The following GPR89A variants were observed in gnomAD, a reference collection of about 807,000 sequenced individuals.
GPR89A encodes G protein-coupled receptor 89A.
GPR89A carries 16 observed loss-of-function variants against 52.0 expected under a neutral mutation model. That is an observed-to-expected ratio of 0.31 (90% CI 0.21 to 0.47). The LOEUF is 0.47. Ranked by LOEUF, GPR89A falls within the 20% of genes least tolerant of loss-of-function variation. The pLI is 1.00. For synonymous variants in GPR89A, 55 were observed against 150.9 expected (o/e 0.36, Z 4.66); for missense variants, 135 against 449.4 (o/e 0.30, Z 6.33).
intron 5 of GPR89A, among the ~76,000 whole-genome samples, chr1:145,629,479 A>C (rs587704104): frequency 6.6e-6 from 1 of 152,304 alleles, no homozygotes; most frequent in South Asian, 2.1e-4. Flanking sequence ...AAGACAATGG[A>C]GAGAGATGGC....
intron 10 of GPR89A, among the ~76,000 whole-genome samples, chr1:145,655,245 T>C (rs2624723): frequency 2.0e-5 from 3 of 152,310 alleles, no homozygotes; most frequent in East Asian, 3.9e-4. Context: ...GAACATTACT[T>C]CTTTTGCTCA....
At chr1:145,659,126 A>G (rs1268925863) in intron 10 of GPR89A, among the ~76,000 whole-genome samples, 27 of 152,130 alleles carry the variant, frequency 1.8e-4, no homozygotes, top group African/African-American at 6.3e-4. Flanking sequence ...TCTTATGTGT[A>G]TATCTAGGGG....
At chr1:145,645,526 T>G in intron 8 of GPR89A, 1 of 452,616 alleles carries the variant, frequency 2.2e-6, no homozygotes, top group Non-Finnish European at 4.4e-6. Context: ...TCTACCTGAT[T>G]GAGTTCTTGG....
chr1:145,612,982 TTTC>T (rs587756719), intron 1 of GPR89A, among the ~76,000 whole-genome samples: 127 of 152,110 alleles, frequency 8.3e-4, no homozygotes, highest in African/African-American at 3.0e-3. Flanking sequence ...CCTCTAGTGT[TTTC>T]TTCTTGGCAC....
At chr1:145,655,615 G>A (rs1379980111) in intron 10 of GPR89A, among the ~76,000 whole-genome samples, 2 of 152,156 alleles carry the variant, frequency 1.3e-5, no homozygotes, top group African/African-American at 2.4e-5. Flanking sequence ...GGTCCCTCTC[G>A]CACCTGGAGG....
intron 11 of GPR89A, among the ~76,000 whole-genome samples, chr1:145,665,188 T>G (rs2784404): frequency 3.3e-5 from 5 of 151,924 alleles, no homozygotes; most frequent in East Asian, 1.9e-4. Context: ...TTTTATCACT[T>G]CTTGGTACTT....
intron 10 of GPR89A, among the ~76,000 whole-genome samples, chr1:145,647,835 TCTCTCTCTCCTCCTC>T (rs1571519666): frequency 0.12 from 575 of 4,770 alleles, 19 homozygotes; most frequent in Middle Eastern, 0.75. Context: ...CGACTCTCTC[TCTCTCTCTCCTCCTC>T]CTCTCTCTCT....
chr1:145,608,126 A>T lies in GPR89A; in HGVS notation c.-8A>T, dbSNP rs781844321. 2 of 1,613,440 alleles carry T rather than the reference A, an allele frequency of 1.2e-6. No homozygotes were observed. The highest frequency in any genetic ancestry group is 2.7e-5 in the African/African-American group (2 of 74,594). On this transcript the variant is annotated 5_prime_UTR_variant, in exon 1 of 14. Transcript: ENST00000313835. Reference sequence around the variant, plus strand: ...AAGTGGAGGCAGGAGCCTTCCTTACACTTCGCCATGAGTTTCCTCATCGAC... The same window carrying T: ...AAGTGGAGGCAGGAGCCTTCCTTACTCTTCGCCATGAGTTTCCTCATCGAC...
intron 1 of GPR89A, among the ~76,000 whole-genome samples, chr1:145,610,925 A>G (rs1403299224): frequency 6.6e-6 from 1 of 152,104 alleles, no homozygotes; most frequent in Admixed American, 6.5e-5. Context: ...TCATGTTTTG[A>G]GCCCTCTATA....
At position 145,634,657 on chromosome 1, in the gene GPR89A, G is replaced by A. The variant is rs1347722363; in HGVS notation, c.617+2913G>A. ...AACTTAATGGTGTGACCTTGAACTA[G>A]TTACTTTATGTCTTTGTGCCTCATT... is the stretch of plus-strand genomic sequence containing the variant. On this transcript the variant is annotated intron_variant, in intron 7 of 13. Coordinates refer to ENST00000313835, the MANE Select transcript of GPR89A (RefSeq NM_001097612.2). Among the ~76,000 whole-genome samples, 90 of 150,404 alleles carry A rather than the reference G, an allele frequency of 6.0e-4. 2 individuals are homozygous for A. The highest frequency in any genetic ancestry group is 1.5e-4 in the Non-Finnish European group (10 of 67,890).
chr1:145,663,660 T>C (rs1402128246), intron 11 of GPR89A, among the ~76,000 whole-genome samples: 2 of 152,230 alleles, frequency 1.3e-5, no homozygotes, highest in Non-Finnish European at 1.5e-5. Context: ...TAATGATTGA[T>C]ACTTAATATT....
intron 10 of GPR89A, among the ~76,000 whole-genome samples, chr1:145,658,056 A>G (rs1199701552): frequency 1.3e-5 from 2 of 151,198 alleles, no homozygotes; most frequent in Non-Finnish European, 3.0e-5. Context: ...AGCAACCACT[A>G]ATCTATTTTC....
intron 10 of GPR89A, among the ~76,000 whole-genome samples, chr1:145,658,455 GAC>G (rs782268635): frequency 1.1e-4 from 17 of 148,944 alleles, no homozygotes; most frequent in East Asian, 2.0e-4. Context: ...CTCCCTCCCC[GAC>G]ACACACACAC....
In GPR89A at chr1:145,670,481, A is replaced by G; in HGVS notation, c.*441A>G. 1 of 272,172 alleles carries G rather than the reference A, an allele frequency of 3.7e-6. No homozygotes were observed. Among genetic ancestry groups the G allele is most frequent in the Non-Finnish European group, 7.1e-6 (1 of 140,912 alleles). The allele number at this position is 272,172 out of a possible 1,614,324, so 16.9% of individuals were successfully genotyped here. On this transcript the variant is annotated 3_prime_UTR_variant, in exon 14 of 14. Transcript: ENST00000313835. Reference sequence around the variant, plus strand: ...ACTGTAACACTTTTGCCTTACGTTCATTTTATCAAGCATAGCTTGGTATTT... The same window carrying G: ...ACTGTAACACTTTTGCCTTACGTTCGTTTTATCAAGCATAGCTTGGTATTT...
At chr1:145,657,654 A>G (rs1234719491) in intron 10 of GPR89A, among the ~76,000 whole-genome samples, 3 of 151,626 alleles carry the variant, frequency 2.0e-5, no homozygotes, top group Admixed American at 6.6e-5. Flanking sequence ...TAAACTACCA[A>G]TTCATTTTTT....
At chr1:145,658,554 G>A (rs1225026585) in intron 10 of GPR89A, among the ~76,000 whole-genome samples, 1 of 148,058 alleles carries the variant, frequency 6.8e-6, no homozygotes, top group Non-Finnish European at 1.5e-5. Context: ...GCTTGAGCCT[G>A]GGAAGTTGAA....
chr1:145,663,463 G>A (rs1553695986), intron 11 of GPR89A, 39 bp downstream of exon 11: 2 of 1,610,244 alleles, frequency 1.2e-6, no homozygotes, highest in East Asian at 2.2e-5. Flanking sequence ...TCATGTTTCT[G>A]TTTTATCTAC....
intron 1 of GPR89A, among the ~76,000 whole-genome samples, chr1:145,613,528 C>T (rs1648449036): frequency 6.6e-6 from 1 of 152,142 alleles, no homozygotes; most frequent in Non-Finnish European, 1.5e-5. Context: ...AAATAACCCT[C>T]ATCACCTACA....
At chr1:145,627,895 CCT>C (rs750907875) in intron 5 of GPR89A, among the ~76,000 whole-genome samples, 39 of 151,094 alleles carry the variant, frequency 2.6e-4, no homozygotes, top group Non-Finnish European at 4.3e-4. Context: ...GGCAGAAAGA[CCT>C]TGGTGTATTC....
Sources: allele counts gnomAD v4.1 joint callset (sites outside exome capture counted in the v4.1 genomes callset), GRCh38; gene constraint gnomAD v4.1.1; transcripts MANE v1.5; gene names NCBI Gene and HGNC (gene_info 2026-07-23, HGNC 2026-07-21).